Variants in NEAT1 observed in about 807,000 individuals in gnomAD.
The protein encoded by NEAT1 is nuclear paraspeckle assembly transcript 1, also known as MENepsilon/beta.
At chr11:65,444,577 G>GT in exon 1 of NEAT1, 1 of 469,980 alleles carries the variant, frequency 2.1e-6, no homozygotes, top group Non-Finnish European at 4.4e-6. Flanking sequence ...AGCAGAGCTC[G>GT]TGGGGGGCTC....
exon 1 of NEAT1, chr11:65,429,146 A>G (rs1341722289): frequency 6.6e-6 from 1 of 152,118 alleles, no homozygotes; most frequent in Non-Finnish European, 1.5e-5. Context: ...AGAAAATAAT[A>G]CTTGCGATGA....
exon 1 of NEAT1, chr11:65,437,683 TATTTA>T (rs1164593538): frequency 1.3e-5 from 2 of 152,146 alleles, no homozygotes; most frequent in African/African-American, 4.8e-5. Context: ...CACTCACGTC[TATTTA>T]ATTTGACTTT....
At chr11:65,439,052 A>G (rs1174587071) in exon 1 of NEAT1, 5 of 152,180 alleles carry the variant, frequency 3.3e-5, no homozygotes, top group African/African-American at 9.7e-5. Context: ...ACTAGTTATT[A>G]TCTGACTTTC....
exon 1 of NEAT1, chr11:65,440,854 A>C (rs1236793982): frequency 6.6e-6 from 1 of 151,942 alleles, no homozygotes; most frequent in Non-Finnish European, 1.5e-5. Context: ...AAAAAAAAAA[A>C]AAAAAAAAAA....
At chr11:65,432,530 T>A (rs1856621814) in exon 1 of NEAT1, 1 of 152,160 alleles carries the variant, frequency 6.6e-6, no homozygotes, top group Non-Finnish European at 1.5e-5. Context: ...CTCCTATGAT[T>A]ACAATGAACA....
At position 65,424,433 on chromosome 11, in the gene NEAT1, C is replaced by T. The variant is rs531608526; in HGVS notation, n.1636C>T. 4.1e-4 allele frequency: 62 copies of T among 152,306 alleles called. 1 individual carries two copies. Among genetic ancestry groups the T allele is most frequent in the African/African-American group, 1.4e-3 (59 of 41,556 alleles). The allele number at this position is 152,306 out of a possible 1,614,324, so 9.4% of individuals were successfully genotyped here. On this transcript the variant is annotated non_coding_transcript_exon_variant, in exon 1 of 1. Coordinates refer to ENST00000501122, the Ensembl canonical transcript of NEAT1. ...ACATTTTAACGTTGATGCCACAACGCAGATTGATGCCTTGTAGATGGAGCT... is the reference window on the plus strand; with the variant it reads ...ACATTTTAACGTTGATGCCACAACGTAGATTGATGCCTTGTAGATGGAGCT...
At chr11:65,429,357 C>T (rs540786394) in exon 1 of NEAT1, 4 of 152,190 alleles carry the variant, frequency 2.6e-5, no homozygotes, top group East Asian at 1.9e-4. Flanking sequence ...TCCTCAGAAC[C>T]GGCTTTATCA....
exon 1 of NEAT1, chr11:65,428,291 A>G (rs1856581924): frequency 6.6e-6 from 1 of 152,224 alleles, no homozygotes; most frequent in Non-Finnish European, 1.5e-5. Context: ...CCTGAGAGCC[A>G]GTATTGGTTG....
At chr11:65,422,824 G>C (rs1031075887) in exon 1 of NEAT1, 1 of 153,086 alleles carries the variant, frequency 6.5e-6, no homozygotes, top group Non-Finnish European at 1.5e-5. Flanking sequence ...AGGGATGCGC[G>C]CCTGGGTGTA....
At chr11:65,423,443 T>A (rs2134883825) in exon 1 of NEAT1, 1 of 152,158 alleles carries the variant, frequency 6.6e-6, no homozygotes. Context: ...TGGTGGAGCG[T>A]CCAGGTCTGG....
chr11:65,444,892 C>T (rs1035452005), exon 1 of NEAT1: 8 of 228,786 alleles, frequency 3.5e-5, no homozygotes, highest in African/African-American at 1.4e-4. Context: ...CGGGCGTCTG[C>T]GTGACCTCAG....
chr11:65,423,623 C>G (rs993870036), exon 1 of NEAT1: 2 of 152,476 alleles, frequency 1.3e-5, no homozygotes, highest in East Asian at 1.9e-4. Flanking sequence ...GCTTTATTTT[C>G]CAGGTGGCAG....
exon 1 of NEAT1, chr11:65,426,840 A>G (rs1209956745): frequency 2.6e-5 from 4 of 152,158 alleles, no homozygotes; most frequent in Non-Finnish European, 5.9e-5. Context: ...ATTTTAAAAC[A>G]TTACCTGGTT....
At chr11:65,435,300 C>A (rs181798374) in exon 1 of NEAT1, 16 of 152,108 alleles carry the variant, frequency 1.1e-4, no homozygotes, top group African/African-American at 3.4e-4. Flanking sequence ...AATCCCGGAC[C>A]CCTAAGATAA....
At chr11:65,438,857 G>C (rs916667247) in exon 1 of NEAT1, 1 of 152,122 alleles carries the variant, frequency 6.6e-6, no homozygotes, top group African/African-American at 2.4e-5. Flanking sequence ...GAACAGTTGC[G>C]TACAAGTTTT....
At chr11:65,423,099 G>C (rs535509879) in exon 1 of NEAT1, 1 of 152,794 alleles carries the variant, frequency 6.5e-6, no homozygotes, top group African/African-American at 2.4e-5. Context: ...CTCTTGCATA[G>C]CTGAGCGAGC....
exon 1 of NEAT1, chr11:65,444,040 G>A (rs570829554): frequency 1.1e-5 from 2 of 178,286 alleles, no homozygotes; most frequent in Admixed American, 1.3e-4. Flanking sequence ...GGCCGTGAAT[G>A]TTTCCTCTCT....
chr11:65,443,585 T>C (rs1856734634), exon 1 of NEAT1: 2 of 152,046 alleles, frequency 1.3e-5, no homozygotes, highest in South Asian at 4.1e-4. Flanking sequence ...GGGTGAGAGG[T>C]TGTCACTGCC....
At chr11:65,441,850 C>T (rs1007715263) in exon 1 of NEAT1, 2 of 152,198 alleles carry the variant, frequency 1.3e-5, no homozygotes, top group Non-Finnish European at 2.9e-5. Flanking sequence ...CTTATGATCA[C>T]GCTTGCCTAC....
Sources: allele counts gnomAD v4.1 joint callset, GRCh38; gene constraint gnomAD v4.1.1; transcripts MANE v1.5; gene names NCBI Gene and HGNC (gene_info 2026-07-23, HGNC 2026-07-21).